GLIS3: variants seen among roughly 807,000 people sequenced by gnomAD.
The protein encoded by GLIS3 is zinc finger protein GLIS3.
Under a neutral mutation model 78.6 loss-of-function variants are expected in GLIS3, and 53 were observed. The observed-to-expected ratio is 0.67, with a 90% confidence interval of 0.54 to 0.85. GLIS3 has a LOEUF of 0.85. Ranked by LOEUF, GLIS3 falls within the 40% of genes least tolerant of loss-of-function variation. GLIS3 has a pLI of 0.00. For missense variants in GLIS3, 1,703 were observed against 1,231.1 expected, an observed-to-expected ratio of 1.38 and a Z score of -5.74; for synonymous variants, 684 against 509.9, an observed-to-expected ratio of 1.34 and a Z score of -4.60.
chr9:3,912,831 C>G (rs1303319086), intron 6 of GLIS3, among the ~76,000 whole-genome samples: 2 of 152,172 alleles, frequency 1.3e-5, no homozygotes, highest in African/African-American at 2.4e-5. Flanking sequence ...TGAAAAACAT[C>G]CCCCTTCACC....
At chr9:4,250,291 G>C (rs1824237758) in intron 2 of GLIS3, among the ~76,000 whole-genome samples, 1 of 152,120 alleles carries the variant, frequency 6.6e-6, no homozygotes, top group Non-Finnish European at 1.5e-5. Context: ...CTCAATTTCA[G>C]AATTTGTTAT....
At chr9:4,275,271 G>C (rs1826878598) in intron 2 of GLIS3, among the ~76,000 whole-genome samples, 1 of 152,182 alleles carries the variant, frequency 6.6e-6, no homozygotes, top group Admixed American at 6.5e-5. Flanking sequence ...TTCGAAAAAA[G>C]GAGTAAGTGC....
chr9:4,229,791 G>C (rs1480583337), intron 2 of GLIS3, among the ~76,000 whole-genome samples: 1 of 152,154 alleles, frequency 6.6e-6, no homozygotes, highest in Non-Finnish European at 1.5e-5. Flanking sequence ...ATTTATACTT[G>C]AATACACATC....
At chr9:4,364,752 ATTGCT>A in the GLIS3 span, among the ~76,000 whole-genome samples, 1 of 29,854 alleles carries the variant, frequency 3.3e-5, no homozygotes, top group African/African-American at 1.0e-4. Flanking sequence ...GTCATCATGT[ATTGCT>A]TTTTTTTTTT....
intron 9 of GLIS3, among the ~76,000 whole-genome samples, chr9:3,839,490 T>G (rs1055416508): frequency 6.6e-6 from 1 of 151,982 alleles, no homozygotes; most frequent in African/African-American, 2.4e-5. Context: ...AGTTATTTAC[T>G]CAGAGACAGG....
At chr9:4,147,243 A>G (rs1472340678) in intron 2 of GLIS3, 2 of 152,224 alleles carry the variant, frequency 1.3e-5, no homozygotes, top group Non-Finnish European at 2.9e-5. Flanking sequence ...CCATTCTATT[A>G]TTGGAATTTC....
At chr9:4,253,148 G>C (rs916007475) in intron 2 of GLIS3, among the ~76,000 whole-genome samples, 6 of 152,262 alleles carry the variant, frequency 3.9e-5, no homozygotes, top group African/African-American at 1.2e-4. Context: ...GCTGTGCTGG[G>C]AGATCCGCTG....
intron 2 of GLIS3, among the ~76,000 whole-genome samples, chr9:4,211,826 G>A (rs1039488748): frequency 6.6e-6 from 1 of 152,202 alleles, no homozygotes; most frequent in Admixed American, 6.5e-5. Flanking sequence ...TCAATAGAAT[G>A]TTATTTGACA....
chr9:3,920,614 T>TTG (rs1329711106), intron 6 of GLIS3, among the ~76,000 whole-genome samples: 26 of 151,178 alleles, frequency 1.7e-4, no homozygotes, highest in African/African-American at 6.3e-4. Flanking sequence ...AACAGGTTTT[T>TTG]TTTTTTTTTT....
At chr9:4,326,155 A>G (rs1380198911) in intron 2 of GLIS3, among the ~76,000 whole-genome samples, 1 of 152,194 alleles carries the variant, frequency 6.6e-6, no homozygotes, top group African/African-American at 2.4e-5. Flanking sequence ...CGTGGCACAC[A>G]TTTACCTATG....
At chr9:4,143,740 C>A (rs1184920588) in intron 2 of GLIS3, among the ~76,000 whole-genome samples, 2 of 152,170 alleles carry the variant, frequency 1.3e-5, no homozygotes, top group Non-Finnish European at 2.9e-5. Flanking sequence ...CCCCACCTCC[C>A]AACCCCTGAC....
chr9:3,992,687 G>A (rs192392273), intron 4 of GLIS3, among the ~76,000 whole-genome samples: 59 of 152,212 alleles, frequency 3.9e-4, no homozygotes, highest in African/African-American at 1.3e-3. Flanking sequence ...AATTTTCATC[G>A]TAAGAGTAAA....
chr9:4,320,907 G>C (rs908972397), intron 2 of GLIS3, among the ~76,000 whole-genome samples: 2 of 151,568 alleles, frequency 1.3e-5, no homozygotes, highest in African/African-American at 2.4e-5. Flanking sequence ...TTTTCAAAAT[G>C]CAAGTTTTGA....
chr9:3,878,559 C>A (rs1261044368), intron 8 of GLIS3: 2 of 152,112 alleles, frequency 1.3e-5, no homozygotes, highest in Non-Finnish European at 2.9e-5. Flanking sequence ...AACTTTTATT[C>A]CTGCTGCCTA....
At chr9:4,369,513 T>C in the GLIS3 span, among the ~76,000 whole-genome samples, 1 of 152,192 alleles carries the variant, frequency 6.6e-6, no homozygotes, top group East Asian at 1.9e-4. Context: ...CAAAATTGTC[T>C]TGAGAGAACA....
rs1265317427 is a variant in GLIS3 at position 3,991,683 on chromosome 9, A to AATTT, written c.1711-54495_1711-54494insAAAT. ...GTTCAGAATTTCATTAAGTAGGCTGATTTTTTTTTTTTTTTTTTTTTTTTT... is the reference window on the plus strand; with the variant it reads ...GTTCAGAATTTCATTAAGTAGGCTGAATTTTTTTTTTTTTTTTTTTTTTTTTTTT... On this transcript the variant is annotated intron_variant, in intron 4 of 10. Coordinates refer to ENST00000381971, the MANE Select transcript of GLIS3 (RefSeq NM_001042413.2). Among the ~76,000 whole-genome samples, 25 of 87,902 alleles carry AATTT rather than the reference A, an allele frequency of 2.8e-4. 2 individuals are homozygous for AATTT. The highest frequency in any genetic ancestry group is 1.0e-3 in the East Asian group (3 of 2,926). The allele number at this position is 87,902 out of a possible 152,430, so 57.7% of individuals were successfully genotyped here. A position where few individuals can be genotyped will look rare whatever the true frequency, so the allele number is the denominator to read the frequency against.
the GLIS3 span, among the ~76,000 whole-genome samples, chr9:4,395,401 G>C: frequency 6.6e-6 from 1 of 152,128 alleles, no homozygotes; most frequent in Admixed American, 6.5e-5. Context: ...GTGAACGTTT[G>C]ATCCTTACAG....
rs1819465427 is a variant in GLIS3, at chr9:4,202,188, T to C, written c.389-76247A>G. On this transcript the variant is annotated intron_variant, in intron 2 of 10. Coordinates refer to ENST00000381971, the MANE Select transcript of GLIS3 (RefSeq NM_001042413.2). ...TTTTTTGAGACGGAGTCTTGCTCTG[T>C]TGCCCAAGCTGGAAGACAGTGGCAC... Among the ~76,000 whole-genome samples the C allele has an allele frequency of 2.1e-5, 3 of 146,034 alleles. No homozygotes were observed. In the Admixed American group the frequency reaches 2.1e-4, roughly 10 times the overall value.
the GLIS3 span, among the ~76,000 whole-genome samples, chr9:4,360,285 A>G: frequency 1.9e-4 from 29 of 152,184 alleles, no homozygotes; most frequent in African/African-American, 7.0e-4. Flanking sequence ...AGGAGCAGCA[A>G]CAAAAGAGCA....
Sources: allele counts gnomAD v4.1 joint callset (sites outside exome capture counted in the v4.1 genomes callset), GRCh38; gene constraint gnomAD v4.1.1; transcripts MANE v1.5; gene names NCBI Gene and HGNC (gene_info 2026-07-23, HGNC 2026-07-21).